The following SMAD3 variants were observed in gnomAD, a reference collection of about 807,000 sequenced individuals.
SMAD3 encodes MAD homolog 3.
SMAD3 carries 12 observed loss-of-function variants against 51.8 expected under a neutral mutation model. The ratio of observed to expected loss-of-function variants is 0.23; its 90% CI spans 0.15 to 0.38. SMAD3 has a LOEUF of 0.38. Ranked by LOEUF, SMAD3 falls within the 10% of genes least tolerant of loss-of-function variation. SMAD3 has a pLI of 1.00. For synonymous variants in SMAD3, 238 were observed against 227.7 expected (o/e 1.05, Z -0.41); for missense variants, 294 against 565.6 (o/e 0.52, Z 4.87).
chr15:67,100,054 G>A (rs1214649811), intron 1 of SMAD3, among the ~76,000 whole-genome samples: 1 of 151,996 alleles, frequency 6.6e-6, no homozygotes, highest in East Asian at 1.9e-4. Context: ...GGTGCCACAT[G>A]CCTGTAATCC....
intron 8 of SMAD3, among the ~76,000 whole-genome samples, chr15:67,188,832 CAG>C (rs926420281): frequency 1.2e-4 from 18 of 152,252 alleles, no homozygotes; most frequent in African/African-American, 4.1e-4. Flanking sequence ...TATGGAAAGT[CAG>C]ATTCTCATTA....
At chr15:67,161,914 A>G (rs1595939245) in intron 1 of SMAD3, among the ~76,000 whole-genome samples, 1 of 152,106 alleles carries the variant, frequency 6.6e-6, no homozygotes, top group African/African-American at 2.4e-5. Context: ...TTATGGCTCC[A>G]CATCCGCCAG....
intron 1 of SMAD3, among the ~76,000 whole-genome samples, chr15:67,100,796 C>T (rs1395548014): frequency 6.6e-6 from 1 of 152,186 alleles, no homozygotes; most frequent in Non-Finnish European, 1.5e-5. Context: ...CCAGGCTCTA[C>T]CTTTATGAGG....
intron 1 of SMAD3, among the ~76,000 whole-genome samples, chr15:67,070,501 A>T (rs1960029152): frequency 1.3e-5 from 2 of 152,026 alleles, no homozygotes; most frequent in South Asian, 4.2e-4. Context: ...GGACCCTCCC[A>T]TGTCTGAGTC....
chr15:67,165,495 T>C, intron 3 of SMAD3, 111 bp downstream of exon 3: 4 of 1,333,222 alleles, frequency 3.0e-6, no homozygotes. Flanking sequence ...GCTCACCCCC[T>C]CTTTGCGCAC....
chr15:67,105,411 C>T lies in SMAD3; in HGVS notation c.206+39051C>T, dbSNP rs76476852. Among the ~76,000 whole-genome samples the T allele has an allele frequency of 6.1e-3, 923 of 152,200 alleles. 10 individuals are homozygous for T. The highest frequency in any genetic ancestry group is 0.018 in the African/African-American group (749 of 41,530). On this transcript the variant is annotated intron_variant, in intron 1 of 8. Transcript: ENST00000327367. ...AACCTTGAGCTGTATGCGGTGAGTC[C>T]AGGATGCTGAGAAGATGCCGGGCTG...
At chr15:67,085,899 C>CACACACACACACAT (rs1555406321) in intron 1 of SMAD3, among the ~76,000 whole-genome samples, 1 of 32,442 alleles carries the variant, frequency 3.1e-5, no homozygotes, top group African/African-American at 9.0e-5. Context: ...CACACACACA[C>CACACACACACACAT]ATACACAGAG....
intron 1 of SMAD3, among the ~76,000 whole-genome samples, chr15:67,098,370 G>GCAAT (rs1165567367): frequency 1.4e-5 from 2 of 141,424 alleles, no homozygotes; most frequent in African/African-American, 4.9e-5. Flanking sequence ...GAGCAAGCAA[G>GCAAT]CAAGCAAGCC....
Position 67,165,342 on chromosome 15 carries a change from A to G in SMAD3, c.490A>G (p.Thr164Ala). The change falls in exon 3 of 9, where the codon ACT becomes GCT. Residue 164 changes from threonine to alanine, a missense_variant. Transcript: ENST00000327367. The part of the protein sequence containing the change: ...DDYSHSIPEN[T>A]NFPAGIEPQS... Reference sequence around the variant, plus strand: ...CTACAGCCATTCCATCCCCGAAAACACTAACTTCCCCGCAGGCATCGAGCC... The same window carrying G: ...CTACAGCCATTCCATCCCCGAAAACGCTAACTTCCCCGCAGGCATCGAGCC... 3 of 1,614,024 alleles carry G rather than the reference A, an allele frequency of 1.9e-6. No homozygotes were observed. The South Asian group carries it at 3.3e-5, about 18-fold the overall frequency.
chr15:67,166,887 C>A lies in SMAD3; in HGVS notation c.607+34C>A, dbSNP rs561002374. ...TGCAGGGTCATGCTCTTATTCTTAACTGATTAGCAGCTGGTGGGTTCATCC... is the reference window on the plus strand; with the variant it reads ...TGCAGGGTCATGCTCTTATTCTTAAATGATTAGCAGCTGGTGGGTTCATCC... On this transcript the variant is annotated intron_variant, in intron 4 of 8. Transcript: ENST00000327367. The A allele has an allele frequency of 3.2e-4, 489 of 1,520,298 alleles. 1 individual carries two copies. The South Asian group carries it at 5.4e-3, about 17-fold the overall frequency. 94.2% of individuals were successfully genotyped at this position (1,520,298 alleles called of 1,614,324 possible). A position where few individuals can be genotyped will look rare whatever the true frequency, so the allele number is the denominator to read the frequency against.
intron 1 of SMAD3, among the ~76,000 whole-genome samples, chr15:67,082,620 G>A (rs1008330636): frequency 3.2e-4 from 49 of 152,156 alleles, no homozygotes; most frequent in African/African-American, 1.1e-3. Context: ...ATGTTTAGTG[G>A]TTAAAAACAA....
chr15:67,154,030 C>T (rs1962218282), intron 1 of SMAD3, among the ~76,000 whole-genome samples: 1 of 152,196 alleles, frequency 6.6e-6, no homozygotes, highest in Non-Finnish European at 1.5e-5. Flanking sequence ...TCTTGGCTTC[C>T]CCCTCCAAGG....
intron 1 of SMAD3, among the ~76,000 whole-genome samples, chr15:67,069,309 C>G (rs16950547): frequency 0.12 from 17,719 of 152,176 alleles, 1,160 homozygotes; most frequent in South Asian, 0.22. Context: ...ACTCTGAGGT[C>G]TGGCAGGATT....
intron 1 of SMAD3, among the ~76,000 whole-genome samples, chr15:67,075,997 A>G (rs1960159048): frequency 6.6e-6 from 1 of 152,158 alleles, no homozygotes; most frequent in African/African-American, 2.4e-5. Flanking sequence ...GTAGATGCTT[A>G]GTAAACGCTC....
At chr15:67,141,902 G>A (rs1044519242) in intron 1 of SMAD3, among the ~76,000 whole-genome samples, 4 of 152,172 alleles carry the variant, frequency 2.6e-5, no homozygotes, top group Non-Finnish European at 2.9e-5. Context: ...TGGGGATGAG[G>A]TGGGGTGGTA....
intron 1 of SMAD3, among the ~76,000 whole-genome samples, chr15:67,139,537 T>C (rs1961761352): frequency 6.6e-6 from 1 of 152,168 alleles, no homozygotes; most frequent in African/African-American, 2.4e-5. Context: ...TAAGGTGTAC[T>C]TAAAGCTGTA....
intron 1 of SMAD3, among the ~76,000 whole-genome samples, chr15:67,161,703 T>G (rs1005840351): frequency 6.6e-6 from 1 of 152,216 alleles, no homozygotes; most frequent in African/African-American, 2.4e-5. Flanking sequence ...GGGCTGGGTT[T>G]GGGGAGTATC....
intron 1 of SMAD3, among the ~76,000 whole-genome samples, chr15:67,122,771 A>G (rs1365893854): frequency 6.6e-6 from 1 of 152,214 alleles, no homozygotes; most frequent in Non-Finnish European, 1.5e-5. Flanking sequence ...CCTACAGACC[A>G]GGGTTCAAAT....
chr15:67,076,587 C>G (rs1269364198), intron 1 of SMAD3, among the ~76,000 whole-genome samples: 1 of 152,212 alleles, frequency 6.6e-6, no homozygotes, highest in African/African-American at 2.4e-5. Context: ...TGGCTATACC[C>G]TTGACTGCCC....
Sources: gnomAD v4.1 joint callset for allele counts (sites outside exome capture counted in the v4.1 genomes callset) on GRCh38, gnomAD v4.1.1 for gene constraint, MANE v1.5 for transcripts, NCBI Gene and HGNC (gene_info 2026-07-23, HGNC 2026-07-21) for gene names.